The following ARPC2 variants were observed in gnomAD, a reference collection of about 807,000 sequenced individuals.
ARPC2 encodes actin-related protein 2/3 complex subunit 2.
ARPC2 carries 4 observed loss-of-function variants against 38.6 expected under a neutral mutation model. The observed-to-expected ratio is 0.10, with a 90% CI of 0.05 to 0.24. The LOEUF is 0.24. Ranked by LOEUF, ARPC2 falls within the 10% of genes least tolerant of loss-of-function variation. The pLI is 1.00. For synonymous variants in ARPC2, 125 were observed against 140.8 expected, an observed-to-expected ratio of 0.89 and a Z score of 0.79; for missense variants, 229 against 387.3, an observed-to-expected ratio of 0.59 and a Z score of 3.43.
intron 8 of ARPC2, among the ~76,000 whole-genome samples, chr2:218,247,170 G>A (rs115476443): frequency 1.8e-3 from 267 of 152,302 alleles, no homozygotes; most frequent in Non-Finnish European, 3.1e-3. Flanking sequence ...CAGCTAGATG[G>A]GGGTTCTCTG....
intron 2 of ARPC2, among the ~76,000 whole-genome samples, chr2:218,218,789 T>C (rs1185717096): frequency 2.0e-5 from 3 of 152,234 alleles, no homozygotes; most frequent in African/African-American, 4.8e-5. Flanking sequence ...CTGTCTCCTT[T>C]ATAAGGCCAC....
chr2:218,227,465 C>T (rs1161122021), intron 3 of ARPC2, among the ~76,000 whole-genome samples: 2 of 152,118 alleles, frequency 1.3e-5, no homozygotes, highest in Non-Finnish European at 2.9e-5. Context: ...ACTCTGTCAC[C>T]CAGGCTGGAG....
intron 4 of ARPC2, among the ~76,000 whole-genome samples, chr2:218,232,077 T>TA (rs1458648844): frequency 6.6e-6 from 1 of 151,952 alleles, no homozygotes; most frequent in East Asian, 1.9e-4. Flanking sequence ...CCATCTCTAC[T>TA]AAAAAATATA....
rs1173967968 is a variant in ARPC2, at chr2:218,238,837, G to C, written c.442G>C (p.Asp148His). The change falls in exon 6 of 11, where the codon GAT (aspartate) becomes CAT (histidine). Residue 148 changes from aspartate (D) to histidine (H), a missense_variant. Physicochemically the swap from Asp to His is moderately conservative, Grantham distance 81. Transcript: ENST00000315717. ...GAACAGGGCAGTTATCCATTATAGG[G>C]ATGATGAGACCATGTGAGTATAGAA... ...GENRAVIHYR[D>H]DETMYVESKK... is the part of the protein sequence containing the mutation. 2 of 1,612,762 alleles carry C rather than the reference G, an allele frequency of 1.2e-6. No individual in the cohort carries two copies. Among genetic ancestry groups the C allele is most frequent in the Non-Finnish European group, 1.7e-6 (2 of 1,179,160 alleles).
At chr2:218,228,662 T>C in intron 3 of ARPC2, 76 bp from the exon 4 acceptor site, 2 of 861,696 alleles carry the variant, frequency 2.3e-6, no homozygotes, top group Non-Finnish European at 3.8e-6. Context: ...CCTTGTGGCC[T>C]ACGGCAAGGT....
At chr2:218,217,303 G>T in intron 1 of ARPC2, 49 bp downstream of exon 1, 2 of 636,430 alleles carry the variant, frequency 3.1e-6, no homozygotes, top group Non-Finnish European at 5.6e-6. Flanking sequence ...GTGGGCCAGC[G>T]CGTTCGTCTT....
At chr2:218,220,453 C>G (rs141896646) in intron 2 of ARPC2, among the ~76,000 whole-genome samples, 22 of 152,286 alleles carry the variant, frequency 1.4e-4, no homozygotes, top group African/African-American at 4.8e-4. Context: ...TGGCTGGTAG[C>G]TGTTGTATTT....
chr2:218,218,323 A>G (rs990521197), intron 2 of ARPC2, among the ~76,000 whole-genome samples: 2 of 152,190 alleles, frequency 1.3e-5, no homozygotes, highest in Non-Finnish European at 2.9e-5. Context: ...GCCCAGTTAC[A>G]CACTTCAAAG....
chr2:218,238,957 A>G (rs1689844313), intron 6 of ARPC2, 107 bp downstream of exon 6: 3 of 938,172 alleles, frequency 3.2e-6, no homozygotes, highest in Non-Finnish European at 4.8e-6. Flanking sequence ...TTGCGTGAAA[A>G]TGTTTTTCTC....
At chr2:218,250,159 A>G (rs1168472098) in intron 10 of ARPC2, among the ~76,000 whole-genome samples, 3 of 152,182 alleles carry the variant, frequency 2.0e-5, no homozygotes, top group African/African-American at 7.2e-5. Context: ...GAAATAAACA[A>G]AGTTTACCAA....
rs183327134 is a variant in ARPC2 at position 218,242,065 on chromosome 2, C to A, written c.549+2581C>A. Among the ~76,000 whole-genome samples the A allele has an allele frequency of 2.0e-5, 3 of 152,352 alleles. No homozygotes were observed. The East Asian group carries it at 5.8e-4, about 29-fold the overall frequency. ...CTCATGGTCACTAGTCTACTTGTTG[C>A]CAGCCTTTGTGGCCTTTCCCTTCCA... is the stretch of plus-strand genomic sequence containing the variant. On this transcript the variant is annotated intron_variant, in intron 7 of 10. Transcript: ENST00000315717.
chr2:218,238,612 T>TTA (rs372947309), intron 5 of ARPC2, 52 bp from the exon 6 acceptor site: 99 of 823,502 alleles, frequency 1.2e-4, no homozygotes, highest in Middle Eastern at 5.3e-4. Flanking sequence ...TTTTTTTTTT[T>TTA]AAATGTAACT....
intron 4 of ARPC2, among the ~76,000 whole-genome samples, chr2:218,231,534 TG>T (rs1689633587): frequency 6.6e-6 from 1 of 152,170 alleles, no homozygotes; most frequent in Non-Finnish European, 1.5e-5. Context: ...TTCAAATTCT[TG>T]GGATATGCAT....
chr2:218,232,725 A>T (rs1689668276), intron 4 of ARPC2, among the ~76,000 whole-genome samples: 1 of 151,664 alleles, frequency 6.6e-6, no homozygotes, highest in East Asian at 1.9e-4. Flanking sequence ...GCCTGCCACC[A>T]TGCCCAGCTA....
At position 218,228,864 on chromosome 2, in the gene ARPC2, C is replaced by T. The variant is rs768527164; in HGVS notation, c.222+14C>T. The T allele has an allele frequency of 9.3e-6, 14 of 1,500,930 alleles. No individual in the cohort carries two copies. Among genetic ancestry groups the T allele is most frequent in the South Asian group, 4.5e-5 (4 of 88,378 alleles). 93.0% of individuals were successfully genotyped at this position (1,500,930 alleles called of 1,614,324 possible). The stretch of plus-strand genomic sequence containing the variant: ...GGTGCTGATGAGGTAAGATCCACAT[C>T]ATTTTCCTTGGGACTCTTGTTTCCT... On this transcript the variant is annotated intron_variant, in intron 4 of 10. Coordinates refer to ENST00000315717, the MANE Select transcript of ARPC2 (RefSeq NM_152862.3).
Position 218,234,374 on chromosome 2 carries a change from G to C in ARPC2, c.245G>C (p.Ser82Thr). 1 of 1,607,372 alleles carries C rather than the reference G, an allele frequency of 6.2e-7. No individual in the cohort carries two copies. The highest frequency in any genetic ancestry group is 8.5e-7 in the Non-Finnish European group (1 of 1,174,848). Reference sequence around the variant, plus strand: ...TAGTTATTAAAGAGGGTGTACGGGAGTTTCTTGGTAAATCCAGAATCAGGT... The same window carrying C: ...TAGTTATTAAAGAGGGTGTACGGGACTTTCTTGGTAAATCCAGAATCAGGT... The part of the protein sequence containing the change: ...ADELLKRVYG[S>T]FLVNPESGYN... Residue 82 changes from serine (S) to threonine (T), a missense_variant, in exon 5 of 11, where the codon AGT (serine) becomes ACT (threonine). By Grantham distance (58) the Ser-to-Thr change is moderately conservative (BLOSUM62 1). Around this residue, in one of 3 missense-constraint regions of ARPC2, gnomAD observed 135 missense variants for 214.1 expected, o/e 0.63. Coordinates refer to ENST00000315717, the MANE Select transcript of ARPC2 (RefSeq NM_152862.3).
intron 3 of ARPC2, among the ~76,000 whole-genome samples, chr2:218,227,587 C>T (rs567458718): frequency 2.6e-5 from 4 of 151,010 alleles, no homozygotes; most frequent in South Asian, 4.2e-4. Context: ...CCACCACACC[C>T]GGCTAATTTT....
chr2:218,248,133 A>G (rs951222088), intron 8 of ARPC2, among the ~76,000 whole-genome samples: 14 of 152,040 alleles, frequency 9.2e-5, no homozygotes, highest in African/African-American at 3.1e-4. Context: ...GCATCTTACA[A>G]TTCATAGCAT....
intron 10 of ARPC2, among the ~76,000 whole-genome samples, chr2:218,250,851 G>GTT (rs1690171588): frequency 6.6e-6 from 1 of 151,790 alleles, no homozygotes; most frequent in African/African-American, 2.4e-5. Flanking sequence ...GCTGGTTTTT[G>GTT]TTTGTTTGTT....
Sources: gnomAD v4.1 joint callset for allele counts (sites outside exome capture counted in the v4.1 genomes callset) on GRCh38, gnomAD v4.1.1 for gene constraint, gnomAD v4.1.1 regional missense constraint, MANE v1.5 for transcripts, NCBI Gene and HGNC (gene_info 2026-07-23, HGNC 2026-07-21) for gene names.